Variants in OR56B2 observed in about 807,000 individuals in gnomAD.
OR56B2 encodes the protein olfactory receptor 56B2.
chr11:5,762,939 A>C, the OR56B2 span, among the ~76,000 whole-genome samples: 3 of 152,040 alleles, frequency 2.0e-5, no homozygotes, highest in Non-Finnish European at 2.9e-5. Flanking sequence ...TGTTTATTAT[A>C]ATGTTATTAT....
chr11:5,766,680 A>G, the OR56B2 span: 22 of 138,214 alleles, frequency 1.6e-4, 4 homozygotes, highest in Admixed American at 8.3e-4. Context: ...ACACCCCTTT[A>G]CCCCCATATT....
At chr11:5,761,558 A>T in the OR56B2 span, among the ~76,000 whole-genome samples, 1 of 152,086 alleles carries the variant, frequency 6.6e-6, no homozygotes, top group Non-Finnish European at 1.5e-5. Context: ...ATTTTATTAG[A>T]TACTTTGGAG....
the OR56B2 span, among the ~76,000 whole-genome samples, chr11:5,764,574 A>G: frequency 7.1e-6 from 1 of 140,932 alleles, no homozygotes; most frequent in African/African-American, 2.6e-5. Context: ...TTTAATAAAA[A>G]GTAAATAATA....
At chr11:5,762,893 A>C in the OR56B2 span, among the ~76,000 whole-genome samples, 1 of 152,040 alleles carries the variant, frequency 6.6e-6, no homozygotes, top group Non-Finnish European at 1.5e-5. Context: ...TGTGTTTGGG[A>C]TCAGGCTAGT....
At chr11:5,764,017 A>G in the OR56B2 span, among the ~76,000 whole-genome samples, 1 of 140,688 alleles carries the variant, frequency 7.1e-6, no homozygotes, top group East Asian at 2.0e-4. Context: ...TCAACATAAC[A>G]TTGCCTCCTC....
At chr11:5,764,951 T>A in the OR56B2 span, 2 of 140,480 alleles carry the variant, frequency 1.4e-5, 1 homozygote, top group Non-Finnish European at 3.2e-5. Context: ...TAATATCACA[T>A]AGGATAATAC....
At chr11:5,768,039 G>A in the OR56B2 span, among the ~76,000 whole-genome samples, 2 of 138,700 alleles carry the variant, frequency 1.4e-5, no homozygotes, top group Non-Finnish European at 3.2e-5. Context: ...CCAATTGTAC[G>A]TTTTCTTTTT....
chr11:5,762,385 G>A, the OR56B2 span, among the ~76,000 whole-genome samples: 1 of 151,952 alleles, frequency 6.6e-6, no homozygotes, highest in East Asian at 1.9e-4. Context: ...ATATATGAAT[G>A]TCATTTGTTT....
chr11:5,768,541 T>C, the OR56B2 span, among the ~76,000 whole-genome samples: 1 of 139,880 alleles, frequency 7.1e-6, no homozygotes, highest in Non-Finnish European at 1.6e-5. Context: ...TTAAGTGTAA[T>C]TATTTTAAAT....
the OR56B2 span, among the ~76,000 whole-genome samples, chr11:5,761,838 G>T: frequency 6.6e-6 from 1 of 152,056 alleles, no homozygotes; most frequent in African/African-American, 2.4e-5. Context: ...ATCTAGAAAT[G>T]AATTATTATA....
chr11:5,763,610 C>T, the OR56B2 span, among the ~76,000 whole-genome samples: 3 of 140,328 alleles, frequency 2.1e-5, 1 homozygote, highest in African/African-American at 7.8e-5. Flanking sequence ...TGCACCTGGC[C>T]TCCACTATAT....
chr11:5,768,671 T>A, the OR56B2 span, among the ~76,000 whole-genome samples: 1 of 140,014 alleles, frequency 7.1e-6, no homozygotes, highest in Non-Finnish European at 1.6e-5. Context: ...CTAATTTACA[T>A]TCAATATAAA....
At chr11:5,762,947 T>C in the OR56B2 span, among the ~76,000 whole-genome samples, 4 of 152,072 alleles carry the variant, frequency 2.6e-5, no homozygotes, top group Admixed American at 1.3e-4. Context: ...ATAATGTTAT[T>C]ATCATTTCAC....
At chr11:5,761,541 A>T in the OR56B2 span, among the ~76,000 whole-genome samples, 1 of 152,118 alleles carries the variant, frequency 6.6e-6, no homozygotes, top group Non-Finnish European at 1.5e-5. Context: ...TTGTTTTGGC[A>T]TATTTTATTT....
the OR56B2 span, among the ~76,000 whole-genome samples, chr11:5,764,527 T>C: frequency 4.3e-5 from 6 of 141,112 alleles, 1 homozygote; most frequent in African/African-American, 1.6e-4. Flanking sequence ...ATCAATTACA[T>C]GACTATAAAA....
At chr11:5,765,443 G>A in the OR56B2 span, 2 of 140,706 alleles carry the variant, frequency 1.4e-5, no homozygotes, top group African/African-American at 5.2e-5. Flanking sequence ...ATTGCTTTGT[G>A]GCCATGGAAT....
At chr11:5,768,816 T>C in the OR56B2 span, among the ~76,000 whole-genome samples, 168 of 140,260 alleles carry the variant, frequency 1.2e-3, 21 homozygotes, top group African/African-American at 4.2e-3. Context: ...TGTGCCTTTA[T>C]TTAATCATAA....
chr11:5,761,459 CTA>C, the OR56B2 span, among the ~76,000 whole-genome samples: 8 of 152,136 alleles, frequency 5.3e-5, no homozygotes, highest in Non-Finnish European at 1.0e-4. Context: ...TTCATAACCA[CTA>C]TGTCTTAATA....
the OR56B2 span, among the ~76,000 whole-genome samples, chr11:5,763,736 CTTATT>C: frequency 7.1e-6 from 1 of 140,360 alleles, no homozygotes; most frequent in African/African-American, 2.6e-5. Flanking sequence ...AAATTGAGTG[CTTATT>C]AAGTGTCTGT....
Sources: allele counts gnomAD v4.1 joint callset (sites outside exome capture counted in the v4.1 genomes callset), GRCh38; gene constraint gnomAD v4.1.1; transcripts MANE v1.5; gene names NCBI Gene and HGNC (gene_info 2026-07-23, HGNC 2026-07-21).